The following RPS6KA3 variants were observed in gnomAD, a reference collection of about 807,000 sequenced individuals.
RPS6KA3 encodes the protein ribosomal protein S6 kinase A3.
RPS6KA3 carries 4 observed loss-of-function variants against 67.2 expected under a neutral mutation model. The observed-to-expected ratio is 0.06, with a 90% confidence interval of 0.03 to 0.14. The LOEUF is 0.14. Among genes scored for constraint, RPS6KA3 ranks in the 10% least tolerant of loss-of-function variants. The pLI is 1.00. For synonymous variants in RPS6KA3, 182 were observed against 183.7 expected, an observed-to-expected ratio of 0.99 and a Z score of 0.07; for missense variants, 204 against 559.0, an observed-to-expected ratio of 0.36 and a Z score of 6.40.
At chrX:20,245,380 A>T (rs2069659274) in intron 1 of RPS6KA3, among the ~76,000 whole-genome samples, 1 of 112,267 alleles carries the variant, frequency 8.9e-6, no homozygotes, top group Non-Finnish European at 1.9e-5. Flanking sequence ...CATTTAGAAT[A>T]GTTTTATCTA....
intron 9 of RPS6KA3, 101 bp downstream of exon 9, chrX:20,187,727 T>A: frequency 1.4e-6 from 1 of 715,020 alleles, no homozygotes; most frequent in Non-Finnish European, 2.2e-6. Flanking sequence ...ACATATGGCA[T>A]AAAATAAAGA....
chrX:20,216,714 C>T (rs1040249583), intron 2 of RPS6KA3, among the ~76,000 whole-genome samples: 1 of 110,506 alleles, frequency 9.0e-6, no homozygotes, highest in Admixed American at 9.7e-5. Context: ...AGGGACAAGC[C>T]AGTACAAAGG....
chrX:20,184,438 C>A (rs2067925407), intron 10 of RPS6KA3, among the ~76,000 whole-genome samples: 1 of 101,232 alleles, frequency 9.9e-6, no homozygotes, highest in Admixed American at 1.1e-4. Flanking sequence ...TCGCTCTTCA[C>A]TCTGTTGCTC....
intron 2 of RPS6KA3, among the ~76,000 whole-genome samples, chrX:20,216,716 G>C (rs2068863326): frequency 9.0e-6 from 1 of 111,104 alleles, no homozygotes; most frequent in African/African-American, 3.3e-5. Flanking sequence ...GGACAAGCCA[G>C]TACAAAGGCC....
chrX:20,191,765 T>A (rs752135521), intron 7 of RPS6KA3, among the ~76,000 whole-genome samples: 61 of 111,535 alleles, frequency 5.5e-4, no homozygotes, highest in African/African-American at 2.0e-3. Flanking sequence ...ATCAATGAAT[T>A]ATACACTTCT....
chrX:20,184,458 T>C (rs1336316358), intron 10 of RPS6KA3, among the ~76,000 whole-genome samples: 1 of 103,606 alleles, frequency 9.7e-6, no homozygotes, highest in Non-Finnish European at 2.0e-5. Flanking sequence ...CAGGTTGGAG[T>C]GTAGTGGTGT....
intron 1 of RPS6KA3, among the ~76,000 whole-genome samples, chrX:20,264,515 G>C (rs2070321090): frequency 8.9e-6 from 1 of 111,875 alleles, no homozygotes; most frequent in South Asian, 3.6e-4. Context: ...TATCATCTTT[G>C]TACCTTTTAA....
At chrX:20,174,537 C>T (rs1174287366) in intron 14 of RPS6KA3, among the ~76,000 whole-genome samples, 3 of 107,376 alleles carry the variant, frequency 2.8e-5, no homozygotes, top group Non-Finnish European at 3.8e-5. Flanking sequence ...TTAGTAGAGA[C>T]GGGGTTTCAC....
chrX:20,187,489 C>A (rs185504216), intron 9 of RPS6KA3, among the ~76,000 whole-genome samples: 1 of 112,049 alleles, frequency 8.9e-6, no homozygotes, highest in Non-Finnish European at 1.9e-5. Context: ...CAGGTGTGAG[C>A]CACTGCACTC....
chrX:20,209,971 G>A (rs1350849955), intron 2 of RPS6KA3, among the ~76,000 whole-genome samples: 1 of 111,922 alleles, frequency 8.9e-6, no homozygotes, highest in Non-Finnish European at 1.9e-5. Flanking sequence ...TCTGTTTCTA[G>A]AATAATCTGG....
At chrX:20,186,548 C>A (rs1229065328) in intron 9 of RPS6KA3, among the ~76,000 whole-genome samples, 182 bp from the exon 10 acceptor site, 1 of 109,812 alleles carries the variant, frequency 9.1e-6, no homozygotes, top group Non-Finnish European at 1.9e-5. Context: ...CCTAAAACAA[C>A]TGAGCTATAC....
At chrX:20,255,387 G>A (rs967049462) in intron 1 of RPS6KA3, among the ~76,000 whole-genome samples, 1 of 111,798 alleles carries the variant, frequency 8.9e-6, no homozygotes, top group African/African-American at 3.3e-5. Context: ...TGATGAAAAT[G>A]TTCTAGGAAA....
rs188713935 is a variant in RPS6KA3, at chrX:20,247,514, C to T, written c.70-12700G>A. ...AAAACGAAAAATCTGAGGCCGGGCG[C>T]GGTGGCTCATGCCTGTAATCCCAGC... On this transcript the variant is annotated intron_variant, in intron 1 of 21. Coordinates refer to ENST00000379565, the MANE Select transcript of RPS6KA3 (RefSeq NM_004586.3). Among the ~76,000 whole-genome samples the T allele has an allele frequency of 3.4e-3, 380 of 111,886 alleles. 1 individual carries two copies. Among genetic ancestry groups the T allele is most frequent in the Non-Finnish European group, 5.6e-3 (300 of 53,119 alleles).
intron 2 of RPS6KA3, among the ~76,000 whole-genome samples, chrX:20,228,932 G>T (rs148536830): frequency 4.5e-5 from 5 of 111,509 alleles, no homozygotes; most frequent in Non-Finnish European, 7.5e-5. Context: ...ACTTTATTTT[G>T]CCATTTTTAA....
In RPS6KA3 at chrX:20,186,353, G is replaced by T; in HGVS notation, c.788C>A (p.Thr263Asn). 8.5e-7 allele frequency: 1 copy of T among 1,179,488 alleles called. No homozygotes were observed. Among genetic ancestry groups the T allele is most frequent in the Non-Finnish European group, 1.2e-6 (1 of 868,320 alleles). Reference sequence around the variant, plus strand: ...TTTTCCTTGGAAAGGGAGTGTACCAGTAAGCATTTCAAACTACAGAAAGGC... The same window carrying T: ...TTTTCCTTGGAAAGGGAGTGTACCATTAAGCATTTCAAACTACAGAAAGGC... ...SFGVLMFEML[T>N]GTLPFQGKDR... The change falls in exon 10 of 22, where the codon ACT becomes AAT. Residue 263 changes from threonine (T) to asparagine (N), a missense_variant. Thr to Asn is a moderately conservative substitution (Grantham distance 65). Coordinates refer to ENST00000379565, the MANE Select transcript of RPS6KA3 (RefSeq NM_004586.3).
chrX:20,261,396 T>C (rs2070225447), intron 1 of RPS6KA3, among the ~76,000 whole-genome samples: 1 of 112,268 alleles, frequency 8.9e-6, no homozygotes, highest in African/African-American at 3.2e-5. Flanking sequence ...GAACAAAATA[T>C]CACATGACCC....
chrX:20,267,056 G>T (rs775456887), upstream of RPS6KA3: 2 of 752,648 alleles, frequency 2.7e-6, no homozygotes, highest in South Asian at 1.4e-4. Context: ...TCAAAGCGAG[G>T]CTCGGCCGCC....
chrX:20,183,313 T>A (rs1309862605), intron 10 of RPS6KA3, among the ~76,000 whole-genome samples: 1 of 110,606 alleles, frequency 9.0e-6, no homozygotes, highest in Non-Finnish European at 1.9e-5. Context: ...GCTCAAGCGA[T>A]TCTCCCACCT....
At chrX:20,184,716 C>T (rs2067934443) in intron 10 of RPS6KA3, among the ~76,000 whole-genome samples, 2 of 111,222 alleles carry the variant, frequency 1.8e-5, no homozygotes, top group African/African-American at 6.5e-5. Flanking sequence ...CTGGCTGGTT[C>T]ACATTATATT....
Sources: allele counts gnomAD v4.1 joint callset (sites outside exome capture counted in the v4.1 genomes callset), GRCh38; gene constraint gnomAD v4.1.1; transcripts MANE v1.5; gene names NCBI Gene and HGNC (gene_info 2026-07-23, HGNC 2026-07-21).